The following CDH4 variants were observed in gnomAD, a reference collection of about 807,000 sequenced individuals.
CDH4 encodes the protein cadherin 4, also known as cadherin-4.
A neutral mutation model predicts 86.0 loss-of-function variants in CDH4; 33 were observed. The ratio of observed to expected loss-of-function variants is 0.38; its 90% CI spans 0.29 to 0.51. The LOEUF is 0.51. Among genes scored for constraint, CDH4 ranks in the 20% least tolerant of loss-of-function variants. CDH4 has a pLI of 0.86. For missense variants in CDH4, 1,114 were observed against 1,307.4 expected (o/e 0.85, Z 2.28); for synonymous variants, 555 against 549.4 (o/e 1.01, Z -0.14).
chr20:61,918,054 G>A (rs1372336822), intron 9 of CDH4, among the ~76,000 whole-genome samples: 11 of 152,224 alleles, frequency 7.2e-5, no homozygotes, highest in East Asian at 3.9e-4. Context: ...GAGTGGCCCC[G>A]TCCCAGCCAG....
At chr20:61,885,303 C>T (rs1984491452) in intron 7 of CDH4, among the ~76,000 whole-genome samples, 1 of 152,182 alleles carries the variant, frequency 6.6e-6, no homozygotes, top group Admixed American at 6.5e-5. Flanking sequence ...CCTCGACTCC[C>T]TTACCCCCAG....
chr20:61,565,724 C>T (rs150885748), intron 2 of CDH4, among the ~76,000 whole-genome samples: 6 of 152,324 alleles, frequency 3.9e-5, no homozygotes, highest in Non-Finnish European at 7.3e-5. Flanking sequence ...CCAAGATACA[C>T]AATGCAGGGA....
At chr20:61,756,010 C>T (rs951645013) in intron 3 of CDH4, among the ~76,000 whole-genome samples, 18 of 152,230 alleles carry the variant, frequency 1.2e-4, no homozygotes, top group African/African-American at 3.6e-4. Flanking sequence ...ACGCCCAGCC[C>T]GTGCCCCCCA....
chr20:61,554,930 T>A (rs2086165406), intron 2 of CDH4, among the ~76,000 whole-genome samples: 1 of 152,272 alleles, frequency 6.6e-6, no homozygotes, highest in Non-Finnish European at 1.5e-5. Flanking sequence ...TGCTCGTGTG[T>A]GCATGCATTC....
At chr20:61,481,551 T>A (rs1414768789) in intron 2 of CDH4, among the ~76,000 whole-genome samples, 1 of 152,262 alleles carries the variant, frequency 6.6e-6, no homozygotes, top group Non-Finnish European at 1.5e-5. Flanking sequence ...TTTACCATCA[T>A]GTTCTTTCAG....
intron 6 of CDH4, among the ~76,000 whole-genome samples, chr20:61,867,501 GATC>G (rs1396893130): frequency 2.0e-5 from 3 of 149,518 alleles, no homozygotes; most frequent in Non-Finnish European, 4.4e-5. Flanking sequence ...AGTGAACAAA[GATC>G]ATGCCACTGC....
At chr20:61,536,249 C>T (rs2085996404) in intron 2 of CDH4, among the ~76,000 whole-genome samples, 1 of 152,196 alleles carries the variant, frequency 6.6e-6, no homozygotes, top group Admixed American at 6.5e-5. Flanking sequence ...CGTGGCTCCC[C>T]TCCTGCCCCC....
rs116233567 is a variant in CDH4, at chr20:61,423,420, A to G, written c.169+168483A>G. 3.8e-3 allele frequency among the ~76,000 whole-genome samples: 586 copies of G among 152,298 alleles called. 4 individuals are homozygous for G. Among genetic ancestry groups the G allele is most frequent in the African/African-American group, 0.013 (537 of 41,566 alleles). ...CCTGACCCAGACCTGTATGGGCAAG[A>G]CATGTCTTTCATCCTAGCTGAATTG... On this transcript the variant is annotated intron_variant, in intron 2 of 15. Coordinates refer to ENST00000614565, the MANE Select transcript of CDH4 (RefSeq NM_001794.5).
chr20:61,710,040 TG>T (rs2087873088), intron 2 of CDH4, among the ~76,000 whole-genome samples: 1 of 152,088 alleles, frequency 6.6e-6, no homozygotes, highest in African/African-American at 2.4e-5. Flanking sequence ...CCCCTGTCCG[TG>T]GGCGGCCAGG....
intron 2 of CDH4, among the ~76,000 whole-genome samples, chr20:61,427,429 C>T (rs375986264): frequency 2.0e-5 from 3 of 152,152 alleles, no homozygotes; most frequent in Admixed American, 6.5e-5. Context: ...GAAATCAGAA[C>T]GTCGTCTTCC....
intron 2 of CDH4, among the ~76,000 whole-genome samples, chr20:61,319,665 G>T (rs139544678): frequency 6.6e-6 from 1 of 152,238 alleles, no homozygotes; most frequent in East Asian, 1.9e-4. Context: ...ATAAGTTCTG[G>T]CTGGGCACAG....
At chr20:61,371,387 CA>C (rs1398559430) in intron 2 of CDH4, among the ~76,000 whole-genome samples, 4 of 152,228 alleles carry the variant, frequency 2.6e-5, no homozygotes, top group African/African-American at 9.6e-5. Context: ...GTCCAGTGGA[CA>C]TTGAATACCT....
chr20:61,706,805 A>C (rs1464568700), intron 2 of CDH4, among the ~76,000 whole-genome samples: 1 of 152,210 alleles, frequency 6.6e-6, no homozygotes, highest in Non-Finnish European at 1.5e-5. Flanking sequence ...TGAGGTTCCA[A>C]CCGGAATGAG....
At chr20:61,572,756 A>G (rs1568692369) in intron 2 of CDH4, among the ~76,000 whole-genome samples, 1 of 152,224 alleles carries the variant, frequency 6.6e-6, no homozygotes, top group Non-Finnish European at 1.5e-5. Flanking sequence ...CTCAGAGAAG[A>G]CAGCTCCTAG....
intron 2 of CDH4, among the ~76,000 whole-genome samples, chr20:61,668,961 C>G (rs1012195322): frequency 6.6e-6 from 1 of 152,244 alleles, no homozygotes; most frequent in African/African-American, 2.4e-5. Context: ...GTCCTTGGGA[C>G]AACCCTGGGA....
At chr20:61,533,081 C>A (rs995413526) in intron 2 of CDH4, among the ~76,000 whole-genome samples, 1 of 152,092 alleles carries the variant, frequency 6.6e-6, no homozygotes, top group African/African-American at 2.4e-5. Flanking sequence ...GGTGAGGACC[C>A]TGAGAGGGAC....
chr20:61,459,815 C>T (rs186661824), intron 2 of CDH4, among the ~76,000 whole-genome samples: 154 of 152,068 alleles, frequency 1.0e-3, no homozygotes, highest in African/African-American at 3.5e-3. Flanking sequence ...CTTCGCAGCC[C>T]GAGTTAAGGA....
rs567525247 is a variant in CDH4 at position 61,479,246 on chromosome 20, A to G, written c.169+224309A>G. 2.6e-5 allele frequency among the ~76,000 whole-genome samples: 4 copies of G among 152,198 alleles called. No individual in the cohort carries two copies. In the South Asian group the frequency reaches 8.3e-4, roughly 32 times the overall value. On this transcript the variant is annotated intron_variant, in intron 2 of 15. Transcript: ENST00000614565. The stretch of plus-strand genomic sequence containing the variant: ...TTTAAGTTCTAGGGTACATGTGCAC[A>G]ACATGCAGGTTTGTTACATATGTAT...
chr20:61,381,978 A>C (rs1022634433), intron 2 of CDH4, among the ~76,000 whole-genome samples: 5 of 152,082 alleles, frequency 3.3e-5, no homozygotes, highest in Non-Finnish European at 5.9e-5. Context: ...TGGGAGGCTG[A>C]GGCAGGAGAA....
Sources: gnomAD v4.1 joint callset for allele counts (sites outside exome capture counted in the v4.1 genomes callset) on GRCh38, gnomAD v4.1.1 for gene constraint, MANE v1.5 for transcripts, NCBI Gene and HGNC (gene_info 2026-07-23, HGNC 2026-07-21) for gene names.